Variants in OSBPL10 observed in about 807,000 individuals in gnomAD.
OSBPL10 encodes oxysterol binding protein like 10.
A neutral mutation model predicts 81.7 loss-of-function variants in OSBPL10; 49 were observed. That is an observed-to-expected ratio of 0.60 (90% CI 0.48 to 0.76). OSBPL10 has a LOEUF of 0.76. OSBPL10 is among the 30% of genes least tolerant of loss of function. OSBPL10 has a pLI of 0.00. For synonymous variants in OSBPL10, 419 were observed against 383.6 expected (o/e 1.09, Z -1.08); for missense variants, 923 against 987.8 (o/e 0.93, Z 0.88).
At chr3:31,764,564 G>A (rs1174735650) in intron 4 of OSBPL10, among the ~76,000 whole-genome samples, 1 of 152,206 alleles carries the variant, frequency 6.6e-6, no homozygotes, top group African/African-American at 2.4e-5. Flanking sequence ...GTTTTAAGAT[G>A]CCAGCACGGT....
chr3:31,674,785 T>G (rs1700421609), intron 8 of OSBPL10, among the ~76,000 whole-genome samples: 4 of 152,170 alleles, frequency 2.6e-5, no homozygotes, highest in Admixed American at 2.6e-4. Flanking sequence ...CCTGCTGAAC[T>G]GTGAGTCAAA....
intron 7 of OSBPL10, among the ~76,000 whole-genome samples, chr3:31,698,554 C>T (rs1695798594): frequency 6.6e-6 from 1 of 152,102 alleles, no homozygotes; most frequent in African/African-American, 2.4e-5. Flanking sequence ...ACATCCTGAG[C>T]CCTCACAATA....
chr3:31,722,685 T>C (rs756997398), intron 6 of OSBPL10, among the ~76,000 whole-genome samples: 20 of 152,084 alleles, frequency 1.3e-4, no homozygotes, highest in Non-Finnish European at 2.1e-4. Context: ...AAGTCAGAAT[T>C]ACAAGCTGGC....
intron 1 of OSBPL10, among the ~76,000 whole-genome samples, chr3:31,964,762 A>C (rs1250284771): frequency 1.3e-5 from 2 of 152,212 alleles, no homozygotes; most frequent in Non-Finnish European, 2.9e-5. Flanking sequence ...TCAAGTTCTC[A>C]TGGCTCATCA....
At chr3:31,743,105 A>G (rs1392093028) in intron 5 of OSBPL10, among the ~76,000 whole-genome samples, 1 of 128,612 alleles carries the variant, frequency 7.8e-6, no homozygotes, top group Non-Finnish European at 1.5e-5. Context: ...CAGTGGTGCG[A>G]TCTCAGCTCA....
At chr3:31,680,303 G>A (rs1362018688) in intron 8 of OSBPL10, among the ~76,000 whole-genome samples, 2 of 152,100 alleles carry the variant, frequency 1.3e-5, no homozygotes, top group South Asian at 2.1e-4. Context: ...CCGGCCCACC[G>A]CCTGCTGCTC....
At chr3:31,692,439 A>C (rs1178546908) in intron 7 of OSBPL10, among the ~76,000 whole-genome samples, 1 of 152,204 alleles carries the variant, frequency 6.6e-6, no homozygotes, top group East Asian at 1.9e-4. Context: ...ACCAGGGAAG[A>C]TACGAGCAAC....
chr3:31,926,842 G>A (rs1020819369), intron 1 of OSBPL10, among the ~76,000 whole-genome samples: 4 of 152,304 alleles, frequency 2.6e-5, no homozygotes, highest in Middle Eastern at 3.4e-3. Context: ...GGGCATGGTG[G>A]CTCATGCCTG....
At chr3:31,864,870 G>A (rs988499305) in intron 3 of OSBPL10, among the ~76,000 whole-genome samples, 1 of 152,146 alleles carries the variant, frequency 6.6e-6, no homozygotes, top group Non-Finnish European at 1.5e-5. Context: ...AAAGCCGCGT[G>A]TGAGATGTCT....
intron 1 of OSBPL10, among the ~76,000 whole-genome samples, chr3:31,947,679 C>T (rs751394041): frequency 3.3e-5 from 5 of 152,132 alleles, no homozygotes; most frequent in Non-Finnish European, 7.3e-5. Context: ...TAACAGATCA[C>T]GGAAGACTCC....
intron 1 of OSBPL10, among the ~76,000 whole-genome samples, chr3:32,076,162 G>A (rs1699873792): frequency 6.6e-6 from 1 of 152,158 alleles, no homozygotes; most frequent in African/African-American, 2.4e-5. Flanking sequence ...GAGGTCAGGA[G>A]ATCGAGACCA....
At chr3:31,770,047 C>T (rs1173748379) in intron 4 of OSBPL10, among the ~76,000 whole-genome samples, 2 of 152,062 alleles carry the variant, frequency 1.3e-5, no homozygotes, top group Admixed American at 1.3e-4. Flanking sequence ...CCTTGACTTT[C>T]ATTAGATTCT....
intron 1 of OSBPL10, among the ~76,000 whole-genome samples, chr3:31,934,090 C>T (rs73824716): frequency 2.3e-5 from 3 of 129,600 alleles, no homozygotes; most frequent in East Asian, 2.3e-4. Context: ...AAAAAAAAAA[C>T]AAAAAAAAAA....
chr3:31,900,707 A>G (rs1274932807), intron 1 of OSBPL10, among the ~76,000 whole-genome samples: 1 of 152,236 alleles, frequency 6.6e-6, no homozygotes, highest in Non-Finnish European at 1.5e-5. Context: ...CAATTCAATT[A>G]ACTCTTTGGA....
chr3:31,923,568 T>A (rs745504207), intron 1 of OSBPL10, among the ~76,000 whole-genome samples: 1 of 152,124 alleles, frequency 6.6e-6, no homozygotes, highest in Non-Finnish European at 1.5e-5. Context: ...GGTGGGAGGA[T>A]CACTTGAGCC....
intron 6 of OSBPL10, among the ~76,000 whole-genome samples, chr3:31,706,104 G>A (rs1696056179): frequency 6.6e-6 from 1 of 152,166 alleles, no homozygotes; most frequent in Non-Finnish European, 1.5e-5. Context: ...AAGCACCTCA[G>A]GGCATATGGT....
intron 1 of OSBPL10, among the ~76,000 whole-genome samples, chr3:31,935,057 G>A (rs900882368): frequency 6.6e-6 from 1 of 152,144 alleles, no homozygotes; most frequent in African/African-American, 2.4e-5. Context: ...CTTCATACAG[G>A]AAGGTGGGAA....
intron 1 of OSBPL10, among the ~76,000 whole-genome samples, chr3:32,067,918 T>A (rs984787394): frequency 7.9e-5 from 12 of 152,176 alleles, no homozygotes; most frequent in African/African-American, 2.9e-4. Context: ...TTCACACAGA[T>A]GCGTATGACA....
At chr3:31,698,295 CA>C (rs1559421362) in intron 7 of OSBPL10, among the ~76,000 whole-genome samples, 3 of 151,506 alleles carry the variant, frequency 2.0e-5, no homozygotes, top group Admixed American at 6.6e-5. Context: ...ACTTAAAATA[CA>C]AAAAATTAGC....
Sources: allele counts gnomAD v4.1 joint callset (sites outside exome capture counted in the v4.1 genomes callset), GRCh38; gene constraint gnomAD v4.1.1; transcripts MANE v1.5; gene names NCBI Gene and HGNC (gene_info 2026-07-23, HGNC 2026-07-21).